NTNG1: variants seen among roughly 807,000 people sequenced by gnomAD.
NTNG1 encodes the protein netrin G1.
In NTNG1, 16 loss-of-function variants were observed where a neutral mutation model predicts 54.0. The ratio of observed to expected loss-of-function variants is 0.30; its 90% CI spans 0.20 to 0.45. The LOEUF (loss-of-function observed/expected upper bound fraction) is 0.45. Among genes scored for constraint, NTNG1 ranks in the 20% least tolerant of loss-of-function variants. NTNG1 has a pLI of 1.00. For missense variants in NTNG1, 530 were observed against 678.7 expected, an observed-to-expected ratio of 0.78 and a Z score of 2.43; for synonymous variants, 255 against 263.1, an observed-to-expected ratio of 0.97 and a Z score of 0.30.
chr1:107,346,884 TAAAAAA>T (rs537482440), intron 3 of NTNG1, among the ~76,000 whole-genome samples: 17 of 97,130 alleles, frequency 1.8e-4, no homozygotes, highest in African/African-American at 5.1e-4. Flanking sequence ...TTTTCTATCC[TAAAAAA>T]AAAAAAAAAA....
At chr1:107,462,668 TTTTAAATATCTC>T (rs1490772996) in intron 7 of NTNG1, among the ~76,000 whole-genome samples, 1 of 152,212 alleles carries the variant, frequency 6.6e-6, no homozygotes, top group Non-Finnish European at 1.5e-5. Flanking sequence ...TTGTTGTTGT[TTTTAAATATCTC>T]TTCTAAGGAG....
intron 2 of NTNG1, among the ~76,000 whole-genome samples, chr1:107,231,113 A>C (rs1174857669): frequency 1.3e-5 from 2 of 152,234 alleles, no homozygotes; most frequent in African/African-American, 4.8e-5. Flanking sequence ...TAGAACAAAC[A>C]TAAATATCCC....
chr1:107,368,105 A>G (rs991865076), intron 3 of NTNG1, among the ~76,000 whole-genome samples: 8 of 152,092 alleles, frequency 5.3e-5, no homozygotes, highest in Admixed American at 2.6e-4. Flanking sequence ...AACACATAAT[A>G]GGAACCCCTT....
At chr1:107,277,350 T>G (rs1664546867) in intron 2 of NTNG1, among the ~76,000 whole-genome samples, 1 of 152,174 alleles carries the variant, frequency 6.6e-6, no homozygotes, top group East Asian at 1.9e-4. Context: ...GTGACCACAG[T>G]GGCTTGAAAC....
intron 3 of NTNG1, among the ~76,000 whole-genome samples, chr1:107,330,408 CTA>C (rs1668210838): frequency 6.6e-6 from 1 of 152,104 alleles, no homozygotes; most frequent in African/African-American, 2.4e-5. Context: ...TGTGGAGCAA[CTA>C]TAGCTCCAAG....
At chr1:107,161,569 G>A (rs138627225) in intron 2 of NTNG1, among the ~76,000 whole-genome samples, 3,041 of 151,700 alleles carry the variant, frequency 0.02, 79 homozygotes, top group African/African-American at 0.069. Flanking sequence ...GCTGAGGTAC[G>A]AGAATCACTT....
intron 2 of NTNG1, among the ~76,000 whole-genome samples, chr1:107,222,887 A>G (rs1350962642): frequency 6.9e-6 from 1 of 145,076 alleles, no homozygotes; most frequent in Non-Finnish European, 1.5e-5. Context: ...ATACTGAGTT[A>G]TATGTTTAGT....
At chr1:107,300,260 T>G (rs137857810) in intron 2 of NTNG1, among the ~76,000 whole-genome samples, 2 of 152,334 alleles carry the variant, frequency 1.3e-5, no homozygotes, top group African/African-American at 4.8e-5. Flanking sequence ...GGTTGGCTCG[T>G]CACATGCCAC....
At chr1:107,351,402 G>A (rs182273710) in intron 3 of NTNG1, among the ~76,000 whole-genome samples, 1 of 152,176 alleles carries the variant, frequency 6.6e-6, no homozygotes, top group East Asian at 1.9e-4. Context: ...TTCTGGGGAG[G>A]CCTCAGAGAG....
intron 3 of NTNG1, among the ~76,000 whole-genome samples, chr1:107,388,409 A>G (rs1253210272): frequency 6.6e-6 from 1 of 152,216 alleles, no homozygotes; most frequent in Non-Finnish European, 1.5e-5. Flanking sequence ...TGCAGTTGTA[A>G]GAGCAAAGTT....
chr1:107,157,340 T>G (rs1235767865), intron 2 of NTNG1, among the ~76,000 whole-genome samples: 1 of 152,206 alleles, frequency 6.6e-6, no homozygotes, highest in African/African-American at 2.4e-5. Context: ...CATTTCAGTT[T>G]TTTGGATTTT....
intron 2 of NTNG1, among the ~76,000 whole-genome samples, chr1:107,226,073 C>T (rs1660653932): frequency 1.3e-5 from 2 of 152,058 alleles, no homozygotes; most frequent in Admixed American, 1.3e-4. Context: ...AAGTATCTTG[C>T]CCAAAGTTAT....
chr1:107,407,046 C>T (rs537752216), intron 4 of NTNG1, among the ~76,000 whole-genome samples: 4 of 152,246 alleles, frequency 2.6e-5, no homozygotes, highest in Non-Finnish European at 4.4e-5. Flanking sequence ...GCTGAAAAAT[C>T]GATGAAGTCC....
intron 3 of NTNG1, among the ~76,000 whole-genome samples, chr1:107,377,964 A>G (rs934881586): frequency 2.4e-4 from 36 of 152,252 alleles, no homozygotes; most frequent in African/African-American, 8.4e-4. Flanking sequence ...TTTCAGAACT[A>G]AGGTAGACTT....
chr1:107,366,120 C>A (rs1670579417), intron 3 of NTNG1, among the ~76,000 whole-genome samples: 2 of 152,046 alleles, frequency 1.3e-5, no homozygotes, highest in Admixed American at 6.6e-5. Context: ...GGTGGGGGAA[C>A]ATAGCAGAGA....
chr1:107,374,723 T>A (rs1032073786), intron 3 of NTNG1, among the ~76,000 whole-genome samples: 1 of 152,202 alleles, frequency 6.6e-6, no homozygotes, highest in Non-Finnish European at 1.5e-5. Context: ...ATTATTTGTG[T>A]CATTTTTCTG....
chr1:107,477,151 T>G (rs1235295294), intron 7 of NTNG1, among the ~76,000 whole-genome samples: 1 of 152,152 alleles, frequency 6.6e-6, no homozygotes, highest in Admixed American at 6.5e-5. Flanking sequence ...AACCTGCACC[T>G]CTAAGGTGGG....
At chr1:107,196,043 C>T (rs183089220) in intron 2 of NTNG1, among the ~76,000 whole-genome samples, 57 of 152,088 alleles carry the variant, frequency 3.7e-4, no homozygotes, top group Non-Finnish European at 7.5e-4. Flanking sequence ...TTTTGTTGTA[C>T]TCCCAGCACT....
Position 107,395,307 on chromosome 1 carries a change from C to A in NTNG1, c.1041C>A (p.Pro347=). Residue 347 remains proline, a synonymous_variant, in exon 4 of 8, where the codon CCC becomes CCA. Coordinates refer to ENST00000370068, the MANE Select transcript of NTNG1 (RefSeq NM_001113226.3). The part of the protein sequence containing the change: ...PWSPGSYLPI[P]KGTANTCIPS... ...GTCCAGGCTCCTATCTCCCCATCCC[C>A]AAAGGCACTGCAAATACCTGTGAGT... 6.2e-7 allele frequency: 1 copy of A among 1,613,480 alleles called. No homozygotes were observed.
Sources: allele counts gnomAD v4.1 joint callset (sites outside exome capture counted in the v4.1 genomes callset), GRCh38; gene constraint gnomAD v4.1.1; transcripts MANE v1.5; gene names NCBI Gene and HGNC (gene_info 2026-07-23, HGNC 2026-07-21).